Variants in ZNRF2 observed in about 807,000 individuals in gnomAD.
The protein encoded by ZNRF2 is zinc and ring finger 2, also known as E3 ubiquitin-protein ligase ZNRF2.
A neutral mutation model predicts 20.4 loss-of-function variants in ZNRF2; 16 were observed. The observed-to-expected ratio is 0.79, with a 90% CI of 0.53 to 1.19. The LOEUF (loss-of-function observed/expected upper bound fraction) is 1.19. Ranked by LOEUF, ZNRF2 falls within the 50% of genes most tolerant of loss-of-function variation. The pLI is 0.00. For synonymous variants in ZNRF2, 178 were observed against 144.9 expected (o/e 1.23, Z -1.64); for missense variants, 363 against 332.4 (o/e 1.09, Z -0.72).
chr7:30,349,135 C>T (rs1799925893), intron 2 of ZNRF2, among the ~76,000 whole-genome samples: 1 of 152,034 alleles, frequency 6.6e-6, no homozygotes, highest in Non-Finnish European at 1.5e-5. Context: ...ACATTTAGTG[C>T]CTTTTACACA....
chr7:30,311,960 G>T (rs1799298804), intron 1 of ZNRF2, among the ~76,000 whole-genome samples: 1 of 151,998 alleles, frequency 6.6e-6, no homozygotes, highest in Admixed American at 6.6e-5. Flanking sequence ...TTAGATTATT[G>T]ACAATAACAA....
chr7:30,330,062 G>A (rs1799613178), intron 2 of ZNRF2, among the ~76,000 whole-genome samples: 1 of 151,832 alleles, frequency 6.6e-6, no homozygotes, highest in African/African-American at 2.4e-5. Flanking sequence ...TGATTGTATT[G>A]GTCTTTAAAC....
At chr7:30,315,737 G>GC (rs1799361768) in intron 1 of ZNRF2, among the ~76,000 whole-genome samples, 2 of 93,350 alleles carry the variant, frequency 2.1e-5, no homozygotes, top group South Asian at 1.1e-3. Flanking sequence ...CGGGGGGGGG[G>GC]GGGTTGGGTA....
At chr7:30,347,415 C>G (rs1799895269) in intron 2 of ZNRF2, among the ~76,000 whole-genome samples, 1 of 152,186 alleles carries the variant, frequency 6.6e-6, no homozygotes, top group Non-Finnish European at 1.5e-5. Flanking sequence ...GAGCAGCCTT[C>G]CTCCCTGCTC....
At chr7:30,302,841 C>T (rs556667558) in intron 1 of ZNRF2, among the ~76,000 whole-genome samples, 4 of 152,150 alleles carry the variant, frequency 2.6e-5, no homozygotes, top group Admixed American at 2.0e-4. Flanking sequence ...AGGTGTGTGC[C>T]GTTAACTGTC....
chr7:30,334,069 A>G (rs1226999703), intron 2 of ZNRF2, among the ~76,000 whole-genome samples: 1 of 152,004 alleles, frequency 6.6e-6, no homozygotes, highest in Non-Finnish European at 1.5e-5. Context: ...TTTTTTGTCT[A>G]GGCCAGTGTC....
chr7:30,292,400 T>G (rs1230850492), intron 1 of ZNRF2, among the ~76,000 whole-genome samples: 1 of 152,186 alleles, frequency 6.6e-6, no homozygotes, highest in Non-Finnish European at 1.5e-5. Flanking sequence ...AAATATTTAA[T>G]GAGGACGCGC....
At chr7:30,348,261 A>G (rs538560292) in intron 2 of ZNRF2, among the ~76,000 whole-genome samples, 4 of 151,450 alleles carry the variant, frequency 2.6e-5, no homozygotes, top group East Asian at 1.9e-4. Context: ...GGCAACAACA[A>G]CCCATTGCTT....
At chr7:30,322,151 G>A (rs543361708) in intron 1 of ZNRF2, among the ~76,000 whole-genome samples, 12 of 152,048 alleles carry the variant, frequency 7.9e-5, no homozygotes, top group Admixed American at 1.3e-4. Flanking sequence ...CTTTTTGGTG[G>A]TTTTCAAGAA....
intron 1 of ZNRF2, among the ~76,000 whole-genome samples, chr7:30,319,668 T>G (rs1407937543): frequency 2.6e-5 from 4 of 152,190 alleles, no homozygotes; most frequent in African/African-American, 9.6e-5. Flanking sequence ...GGTAGAGCAC[T>G]TAGAGAAAGA....
At chr7:30,362,557 GTA>G (rs1165039280) in intron 4 of ZNRF2, 101 bp downstream of exon 4, 1 of 576,636 alleles carries the variant, frequency 1.7e-6, no homozygotes, top group Non-Finnish European at 3.0e-6. Flanking sequence ...GCATGAGTGT[GTA>G]TGTGTATGTT....
intron 1 of ZNRF2, among the ~76,000 whole-genome samples, chr7:30,286,370 G>A (rs1422244850): frequency 2.0e-5 from 3 of 152,208 alleles, no homozygotes; most frequent in Non-Finnish European, 4.4e-5. Context: ...GGATGAATGC[G>A]TTAATGAAAA....
At chr7:30,342,398 C>G (rs1030764060) in intron 2 of ZNRF2, among the ~76,000 whole-genome samples, 3 of 152,122 alleles carry the variant, frequency 2.0e-5, no homozygotes, top group Admixed American at 1.3e-4. Context: ...GTGCTTCCTT[C>G]AGGAGCTCTT....
chr7:30,317,546 A>C (rs1266837208), intron 1 of ZNRF2, among the ~76,000 whole-genome samples: 1 of 152,216 alleles, frequency 6.6e-6, no homozygotes, highest in African/African-American at 2.4e-5. Flanking sequence ...GTTCTATTGG[A>C]GGAAAATAAT....
intron 2 of ZNRF2, among the ~76,000 whole-genome samples, chr7:30,328,976 C>T (rs749854950): frequency 1.3e-5 from 2 of 152,156 alleles, no homozygotes; most frequent in African/African-American, 4.8e-5. Context: ...ATACTTTTCC[C>T]TCTTTCATGT....
intron 4 of ZNRF2, among the ~76,000 whole-genome samples, chr7:30,363,700 A>G (rs1800164238): frequency 6.6e-6 from 1 of 152,014 alleles, no homozygotes; most frequent in Non-Finnish European, 1.5e-5. Flanking sequence ...ATGGTTCTGC[A>G]TTATCTGAAA....
chr7:30,341,802 A>G (rs1232918024), intron 2 of ZNRF2, among the ~76,000 whole-genome samples: 2 of 151,988 alleles, frequency 1.3e-5, no homozygotes, highest in South Asian at 2.1e-4. Context: ...GTTGATCTGT[A>G]TAATACTGAC....
Position 30,295,160 on chromosome 7 carries a change from G to GA in ZNRF2, c.469+9335dup, listed in dbSNP as rs565511076. On this transcript the variant is annotated intron_variant, in intron 1 of 4. Transcript: ENST00000323037. ...TGGGCCTTCTTTAAGCTGGGGCCTTGAGACTCTCTGTACTTCCAACTACAT... is the reference window on the plus strand; with the variant it reads ...TGGGCCTTCTTTAAGCTGGGGCCTTGAAGACTCTCTGTACTTCCAACTACAT... Among the ~76,000 whole-genome samples, 82 of 150,172 alleles carry GA rather than the reference G, an allele frequency of 5.5e-4. No individual in the cohort carries two copies. The South Asian group carries it at 0.016, about 30-fold the overall frequency.
chr7:30,348,755 C>T (rs1562619934), intron 2 of ZNRF2, among the ~76,000 whole-genome samples: 1 of 152,114 alleles, frequency 6.6e-6, no homozygotes, highest in Admixed American at 6.6e-5. Flanking sequence ...TTTATTGTTA[C>T]AATTGTACTA....
Sources: gnomAD v4.1 joint callset for allele counts (sites outside exome capture counted in the v4.1 genomes callset) on GRCh38, gnomAD v4.1.1 for gene constraint, MANE v1.5 for transcripts, NCBI Gene and HGNC (gene_info 2026-07-23, HGNC 2026-07-21) for gene names.